Variants in KCNH8 observed in about 807,000 individuals in gnomAD.
KCNH8 encodes potassium voltage-gated channel subfamily H member 8.
KCNH8 carries 70 observed loss-of-function variants against 103.6 expected under a neutral mutation model. The ratio of observed to expected loss-of-function variants is 0.68; its 90% CI spans 0.56 to 0.82. The LOEUF is 0.82. KCNH8 is among the 40% of genes least tolerant of loss of function. The probability of loss-of-function intolerance (pLI) is 0.00; values close to 1 mark genes in which losing one functional copy is unlikely to be tolerated. For synonymous variants in KCNH8, 498 were observed against 489.4 expected (o/e 1.02, Z -0.23); for missense variants, 1,217 against 1,329.9 (o/e 0.92, Z 1.32).
intron 7 of KCNH8, among the ~76,000 whole-genome samples, chr3:19,411,953 AAC>A (rs1329456513): frequency 6.6e-6 from 1 of 152,036 alleles, no homozygotes; most frequent in East Asian, 1.9e-4. Flanking sequence ...CATACTGCCC[AAC>A]ACAATCTACA....
At chr3:19,351,938 T>C (rs1195794415) in intron 5 of KCNH8, among the ~76,000 whole-genome samples, 1 of 152,108 alleles carries the variant, frequency 6.6e-6, no homozygotes, top group East Asian at 1.9e-4. Flanking sequence ...AGACACAGAC[T>C]GGCAAATTGG....
intron 11 of KCNH8, among the ~76,000 whole-genome samples, chr3:19,468,873 G>C (rs1037419005): frequency 1.3e-5 from 2 of 152,138 alleles, no homozygotes; most frequent in African/African-American, 4.8e-5. Context: ...AACATCTCTT[G>C]ATGCCTATGT....
chr3:19,227,811 G>A (rs1192126252), intron 1 of KCNH8, among the ~76,000 whole-genome samples: 1 of 152,016 alleles, frequency 6.6e-6, no homozygotes, highest in Non-Finnish European at 1.5e-5. Context: ...TCATGATTTG[G>A]TTGCAAGTCT....
chr3:19,488,310 C>A (rs908151246), intron 11 of KCNH8, among the ~76,000 whole-genome samples: 1 of 152,196 alleles, frequency 6.6e-6, no homozygotes, highest in African/African-American at 2.4e-5. Context: ...TTAATGGCCG[C>A]GGCCAGTAAG....
At chr3:19,290,074 T>G (rs1269483651) in intron 3 of KCNH8, among the ~76,000 whole-genome samples, 1 of 152,156 alleles carries the variant, frequency 6.6e-6, no homozygotes, top group African/African-American at 2.4e-5. Flanking sequence ...TAAGAATGCT[T>G]GTGATTTTTG....
At chr3:19,274,782 C>T (rs1184432232) in intron 2 of KCNH8, among the ~76,000 whole-genome samples, 3 of 146,488 alleles carry the variant, frequency 2.0e-5, no homozygotes, top group Non-Finnish European at 4.5e-5. Context: ...GGATTAAAAA[C>T]TTGACACGTT....
intron 1 of KCNH8, among the ~76,000 whole-genome samples, chr3:19,153,527 A>G (rs2063150058): frequency 1.3e-5 from 2 of 152,170 alleles, no homozygotes; most frequent in Admixed American, 6.5e-5. Flanking sequence ...TCCTAGACTC[A>G]ACATACTTCT....
chr3:19,196,454 T>C (rs1189319124), intron 1 of KCNH8, among the ~76,000 whole-genome samples: 1 of 149,980 alleles, frequency 6.7e-6, no homozygotes. Context: ...AGTGAAAGAC[T>C]GAAATGAAAA....
chr3:19,401,702 T>G (rs1362727801), intron 7 of KCNH8, among the ~76,000 whole-genome samples: 1 of 152,004 alleles, frequency 6.6e-6, no homozygotes, highest in African/African-American at 2.4e-5. Flanking sequence ...TAAACTTTGC[T>G]TCTTATAAAA....
In KCNH8 at chr3:19,279,341, T is replaced by A. The variant is rs561992026; in HGVS notation, c.311-1857T>A. Among the ~76,000 whole-genome samples the A allele has an allele frequency of 1.4e-3, 218 of 152,184 alleles. 2 individuals carry two copies. Among genetic ancestry groups the A allele is most frequent in the Middle Eastern group, 3.4e-3 (1 of 294 alleles). ...CTTGAGTTGATTTATTGTCTCAGCA[T>A]TTTTGGGGTCACTGTATTCACTACT... On this transcript the variant is annotated intron_variant, in intron 2 of 15. Coordinates refer to ENST00000328405, the MANE Select transcript of KCNH8 (RefSeq NM_144633.3).
At chr3:19,273,868 T>C (rs1447943544) in intron 2 of KCNH8, among the ~76,000 whole-genome samples, 1 of 152,224 alleles carries the variant, frequency 6.6e-6, no homozygotes, top group East Asian at 1.9e-4. Flanking sequence ...AGGATGTTTT[T>C]CAGTCTTAAA....
chr3:19,407,188 T>A (rs1221074312), intron 7 of KCNH8, among the ~76,000 whole-genome samples: 3 of 152,294 alleles, frequency 2.0e-5, no homozygotes, highest in Non-Finnish European at 2.9e-5. Flanking sequence ...CATTGGAAAT[T>A]AAAGATAATA....
intron 11 of KCNH8, among the ~76,000 whole-genome samples, chr3:19,494,608 G>A (rs1488010042): frequency 6.6e-6 from 1 of 152,094 alleles, no homozygotes; most frequent in African/African-American, 2.4e-5. Context: ...TCTATTTATG[G>A]CCATTTAGGT....
intron 7 of KCNH8, among the ~76,000 whole-genome samples, chr3:19,417,460 G>T (rs570177464): frequency 6.6e-6 from 1 of 151,380 alleles, no homozygotes; most frequent in Non-Finnish European, 1.5e-5. Context: ...ATTCTTGCTC[G>T]GAATAAGTAA....
At chr3:19,272,423 C>T (rs1271103613) in intron 2 of KCNH8, among the ~76,000 whole-genome samples, 7 of 152,080 alleles carry the variant, frequency 4.6e-5, no homozygotes, top group Non-Finnish European at 7.4e-5. Flanking sequence ...AGCTGCGGTG[C>T]TCTGAAACGC....
At chr3:19,485,047 T>G (rs986389963) in intron 11 of KCNH8, among the ~76,000 whole-genome samples, 4 of 152,196 alleles carry the variant, frequency 2.6e-5, no homozygotes, top group African/African-American at 4.8e-5. Flanking sequence ...ATAGTCCGAT[T>G]CATTCACTCC....
intron 15 of KCNH8, among the ~76,000 whole-genome samples, chr3:19,532,738 C>T: frequency 6.6e-6 from 1 of 152,188 alleles, no homozygotes; most frequent in East Asian, 1.9e-4. Context: ...ATCTGTATCT[C>T]TCATTCTGTT....
At chr3:19,477,446 T>A (rs994549478) in intron 11 of KCNH8, among the ~76,000 whole-genome samples, 1 of 151,690 alleles carries the variant, frequency 6.6e-6, no homozygotes, top group Admixed American at 6.6e-5. Flanking sequence ...TTAACTGTAA[T>A]TTCTATGTGA....
Position 19,275,130 on chromosome 3 carries a change from C to A in KCNH8, c.311-6068C>A, listed in dbSNP as rs145449315. Among the ~76,000 whole-genome samples, 312 of 151,238 alleles carry A rather than the reference C, an allele frequency of 2.1e-3. 8 individuals carry two copies. In the East Asian group the frequency reaches 0.046, roughly 22 times the overall value. On this transcript the variant is annotated intron_variant, in intron 2 of 15. Coordinates refer to ENST00000328405, the MANE Select transcript of KCNH8 (RefSeq NM_144633.3). ...TACTATATATTTCTTCATGCTTATTCTAGAAAACCTGAAAATAAAGATGCT... is the reference window on the plus strand; with the variant it reads ...TACTATATATTTCTTCATGCTTATTATAGAAAACCTGAAAATAAAGATGCT...
Sources: allele counts gnomAD v4.1 joint callset (sites outside exome capture counted in the v4.1 genomes callset), GRCh38; gene constraint gnomAD v4.1.1; transcripts MANE v1.5; gene names NCBI Gene and HGNC (gene_info 2026-07-23, HGNC 2026-07-21).